Variants in SNTG1 observed in about 807,000 individuals in gnomAD.
The protein encoded by SNTG1 is syntrophin gamma 1, also known as gamma-1-syntrophin.
SNTG1 carries 39 observed loss-of-function variants against 74.7 expected under a neutral mutation model. The observed-to-expected ratio is 0.52, with a 90% confidence interval of 0.40 to 0.68. SNTG1 has a LOEUF of 0.68. Ranked by LOEUF, SNTG1 falls within the 30% of genes least tolerant of loss-of-function variation. The pLI, the probability that SNTG1 is intolerant of heterozygous loss-of-function variation, is 0.00. For missense variants in SNTG1, 685 were observed against 609.5 expected, an observed-to-expected ratio of 1.12 and a Z score of -1.30; for synonymous variants, 254 against 217.1, an observed-to-expected ratio of 1.17 and a Z score of -1.49.
At chr8:50,732,790 G>T (rs2095516084) in intron 17 of SNTG1, among the ~76,000 whole-genome samples, 1 of 151,590 alleles carries the variant, frequency 6.6e-6, no homozygotes, top group Non-Finnish European at 1.5e-5. Flanking sequence ...ATATAATGAT[G>T]AAAAAAACAG....
chr8:50,436,343 T>C (rs976796090), intron 4 of SNTG1, among the ~76,000 whole-genome samples: 1 of 152,170 alleles, frequency 6.6e-6, no homozygotes, highest in African/African-American at 2.4e-5. Context: ...CACGATTTAA[T>C]TCACCTATTC....
At chr8:50,756,401 G>T (rs1367405843) in intron 18 of SNTG1, among the ~76,000 whole-genome samples, 1 of 151,792 alleles carries the variant, frequency 6.6e-6, no homozygotes, top group African/African-American at 2.4e-5. Flanking sequence ...TATAATTGGA[G>T]CTGTGTTCCA....
At chr8:50,429,603 C>T (rs1216729737) in intron 4 of SNTG1, among the ~76,000 whole-genome samples, 1 of 151,974 alleles carries the variant, frequency 6.6e-6, no homozygotes, top group Non-Finnish European at 1.5e-5. Flanking sequence ...CATCAAGGTG[C>T]AAATTACACA....
At chr8:50,297,805 A>G (rs569984950) in intron 2 of SNTG1, among the ~76,000 whole-genome samples, 1 of 152,020 alleles carries the variant, frequency 6.6e-6, no homozygotes, top group Non-Finnish European at 1.5e-5. Flanking sequence ...GCAAAACCAG[A>G]GAGAAGAGGG....
chr8:49,931,425 G>A (rs1259384199), intron 1 of SNTG1, among the ~76,000 whole-genome samples: 2 of 152,132 alleles, frequency 1.3e-5, no homozygotes, highest in Non-Finnish European at 2.9e-5. Flanking sequence ...GAGAAGTGGG[G>A]GCACAGGTGG....
In SNTG1 at chr8:50,199,363, G is replaced by A. The variant is rs77383071; in HGVS notation, c.-28+26728G>A. ...CCCCCAAGTAGCTGGCATTACAGGT[G>A]CCCACCACTACACCTGGCTAATTTT... On this transcript the variant is annotated intron_variant, in intron 2 of 18. Transcript: ENST00000642720. Among the ~76,000 whole-genome samples, 147 of 151,672 alleles carry A rather than the reference G, an allele frequency of 9.7e-4. No homozygotes were observed. In the East Asian group the frequency reaches 0.027, roughly 27 times the overall value.
chr8:50,671,301 A>G (rs555563098), intron 15 of SNTG1, among the ~76,000 whole-genome samples: 3 of 151,988 alleles, frequency 2.0e-5, no homozygotes, highest in Non-Finnish European at 4.4e-5. Context: ...TCATCTGACA[A>G]AGGGCTAATA....
At chr8:50,360,876 G>A (rs1199895517) in intron 2 of SNTG1, among the ~76,000 whole-genome samples, 1 of 152,120 alleles carries the variant, frequency 6.6e-6, no homozygotes, top group Admixed American at 6.6e-5. Context: ...AAGTGAATAT[G>A]AAGGCCTAGG....
intron 17 of SNTG1, among the ~76,000 whole-genome samples, chr8:50,737,080 A>T (rs2095530731): frequency 6.6e-6 from 1 of 151,974 alleles, no homozygotes; most frequent in African/African-American, 2.4e-5. Context: ...AAATGAAGGA[A>T]ATAGAGACAT....
In SNTG1 at chr8:50,258,279, G is replaced by A. The variant is rs373676619; in HGVS notation, c.-28+85644G>A. ...GTTTAAATAACACTATGAAATGTGA[G>A]AGTAGGAAATATTATATTACTAATT... On this transcript the variant is annotated intron_variant, in intron 2 of 18. Transcript: ENST00000642720. Among the ~76,000 whole-genome samples, 32 of 152,286 alleles carry A rather than the reference G, an allele frequency of 2.1e-4. 1 individual carries two copies. The East Asian group carries it at 5.8e-3, about 28-fold the overall frequency.
intron 2 of SNTG1, among the ~76,000 whole-genome samples, chr8:50,362,935 AACTGAATTGCCAAT>A (rs2092001799): frequency 1.3e-5 from 2 of 152,174 alleles, no homozygotes; most frequent in African/African-American, 4.8e-5. Context: ...AAACACAGAC[AACTGAATTGCCAAT>A]AGATGATTGC....
chr8:49,914,773 T>G (rs1305475157), intron 1 of SNTG1, among the ~76,000 whole-genome samples: 1 of 152,154 alleles, frequency 6.6e-6, no homozygotes, highest in Non-Finnish European at 1.5e-5. Context: ...CACTTAAAGA[T>G]TTATAAATTC....
At chr8:50,059,262 A>C (rs1198476563) in intron 1 of SNTG1, among the ~76,000 whole-genome samples, 1 of 152,132 alleles carries the variant, frequency 6.6e-6, no homozygotes, top group Non-Finnish European at 1.5e-5. Flanking sequence ...ATAAATGTTC[A>C]TCATTAAGAT....
intron 12 of SNTG1, among the ~76,000 whole-genome samples, chr8:50,570,591 G>GTTGTTGTTATTA (rs137977278): frequency 0.029 from 3,708 of 130,052 alleles, 78 homozygotes; most frequent in East Asian, 0.078. Flanking sequence ...TATTATTGTT[G>GTTGTTGTTATTA]TTATTATTAT....
At position 50,225,339 on chromosome 8, in the gene SNTG1, C is replaced by A. The variant is rs556733761; in HGVS notation, c.-28+52704C>A. 1.1e-4 allele frequency among the ~76,000 whole-genome samples: 17 copies of A among 152,280 alleles called. No individual in the cohort carries two copies. In the South Asian group the frequency reaches 3.5e-3, roughly 32 times the overall value. ...AATAAGAACCTTGGTCTCCACAACC[C>A]CTTATCTTAACCCAGACACTTATTT... On this transcript the variant is annotated intron_variant, in intron 2 of 18. Transcript: ENST00000642720.
intron 4 of SNTG1, among the ~76,000 whole-genome samples, chr8:50,405,652 A>G (rs1263615482): frequency 6.6e-6 from 1 of 152,062 alleles, no homozygotes; most frequent in Admixed American, 6.5e-5. Flanking sequence ...ATTTTAATAA[A>G]ATCCATGTCA....
intron 3 of SNTG1, among the ~76,000 whole-genome samples, chr8:50,400,723 G>C (rs1295012819): frequency 1.3e-5 from 2 of 152,106 alleles, no homozygotes; most frequent in Admixed American, 1.3e-4. Context: ...TTACATTGTG[G>C]TTTTGAATTG....
chr8:50,626,539 A>G (rs562312818), intron 13 of SNTG1, among the ~76,000 whole-genome samples: 1 of 152,350 alleles, frequency 6.6e-6, no homozygotes, highest in African/African-American at 2.4e-5. Flanking sequence ...AGTGATAAGC[A>G]TTATTTCTGT....
At chr8:50,210,271 C>T (rs1192704491) in intron 2 of SNTG1, among the ~76,000 whole-genome samples, 5 of 152,208 alleles carry the variant, frequency 3.3e-5, no homozygotes, top group Non-Finnish European at 2.9e-5. Context: ...CTGAAAGTAA[C>T]GGGGAGAATG....
Sources: gnomAD v4.1 joint callset for allele counts (sites outside exome capture counted in the v4.1 genomes callset) on GRCh38, gnomAD v4.1.1 for gene constraint, MANE v1.5 for transcripts, NCBI Gene and HGNC (gene_info 2026-07-23, HGNC 2026-07-21) for gene names.